Variants in SLC2A1 observed in about 807,000 individuals in gnomAD.
SLC2A1 encodes solute carrier family 2 member 1.
SLC2A1 carries 4 observed loss-of-function variants against 46.6 expected under a neutral mutation model. The observed-to-expected ratio is 0.09, with a 90% CI of 0.04 to 0.20. The LOEUF is 0.20. SLC2A1 is among the 10% of genes least tolerant of loss of function. The pLI is 1.00. For synonymous variants in SLC2A1, 253 were observed against 270.0 expected (o/e 0.94, Z 0.62); for missense variants, 352 against 667.0 (o/e 0.53, Z 5.20).
Position 42,927,265 on chromosome 1 carries a change from G to T in SLC2A1, c.1279-24C>A, listed in dbSNP as rs774926585. 57 of 1,610,148 alleles carry T rather than the reference G, an allele frequency of 3.5e-5. No individual in the cohort carries two copies. Among genetic ancestry groups the T allele is most frequent in the Non-Finnish European group, 3.7e-5 (43 of 1,176,848 alleles). On this transcript the variant is annotated intron_variant, in intron 9 of 9. Transcript: ENST00000426263. This position sits in a 1 kb window ranked among gnomAD's most constrained non-coding sequence, Gnocchi z 5.3. ...TGCTGAAAGACACACAGACACACTT[G>T]GTTGGAGTCATGACCCTACATCCTG...
intron 1 of SLC2A1, among the ~76,000 whole-genome samples, chr1:42,957,552 TA>T: frequency 6.6e-6 from 1 of 151,902 alleles, no homozygotes; most frequent in African/African-American, 2.4e-5. Flanking sequence ...GTATAATAGA[TA>T]AAGAGGGACC....
At chr1:42,956,272 G>GC (rs983096111) in intron 1 of SLC2A1, among the ~76,000 whole-genome samples, 1 of 152,070 alleles carries the variant, frequency 6.6e-6, no homozygotes, top group Admixed American at 6.6e-5. Context: ...ATACAGCCGG[G>GC]CGTGGTGGCT....
intron 1 of SLC2A1, among the ~76,000 whole-genome samples, chr1:42,953,245 AG>A (rs958002274): frequency 6.6e-6 from 1 of 152,236 alleles, no homozygotes; most frequent in African/African-American, 2.4e-5. Flanking sequence ...GTGGTCACAA[AG>A]AGAGGAGATG....
In SLC2A1 at chr1:42,929,492, G is replaced by A; in HGVS notation, c.867+101C>T. 1 of 1,275,790 alleles carries A rather than the reference G, an allele frequency of 7.8e-7. No individual in the cohort carries two copies. The highest frequency in any genetic ancestry group is 1.1e-6 in the Non-Finnish European group (1 of 879,096). 79.0% of individuals were successfully genotyped at this position (1,275,790 alleles called of 1,614,324 possible). A position where few individuals can be genotyped will look rare whatever the true frequency, so the allele number is the denominator to read the frequency against. ...TGGGGTCTAAAGGGAAACTTCTTCG[G>A]CAGAGGCGTATCTGTTGTTTCAAGT... is the stretch of plus-strand genomic sequence containing the variant. On this transcript the variant is annotated intron_variant, in intron 6 of 9. Transcript: ENST00000426263. This position sits in a 1 kb window ranked among gnomAD's most constrained non-coding sequence, Gnocchi z 6.0.
intron 1 of SLC2A1, among the ~76,000 whole-genome samples, chr1:42,958,137 G>T (rs1407396368): frequency 6.6e-6 from 1 of 152,126 alleles, no homozygotes; most frequent in Non-Finnish European, 1.5e-5. Context: ...GGGCGTCCGG[G>T]CTAGGGGAGC....
At chr1:42,934,724 G>T (rs770881709) in intron 2 of SLC2A1, among the ~76,000 whole-genome samples, 1 of 152,136 alleles carries the variant, frequency 6.6e-6, no homozygotes, top group African/African-American at 2.4e-5. Context: ...CATGTGTGAG[G>T]TGAGACCTGG....
chr1:42,927,305 G>C lies in SLC2A1; in HGVS notation c.1279-64C>G. The C allele has an allele frequency of 6.7e-7, 1 of 1,488,730 alleles. No individual in the cohort carries two copies. Among genetic ancestry groups the C allele is most frequent in the Non-Finnish European group, 9.3e-7 (1 of 1,069,758 alleles). 92.2% of individuals were successfully genotyped at this position (1,488,730 alleles called of 1,614,324 possible). A position where few individuals can be genotyped will look rare whatever the true frequency, so the allele number is the denominator to read the frequency against. ...CCTACATCCTGGCTGTAGGACTTTG[G>C]ATAAGTCACTTTACCTTTGGGCCTT... On this transcript the variant is annotated intron_variant, in intron 9 of 9. Transcript: ENST00000426263. The surrounding 1 kb of genome is among the most constrained non-coding windows in gnomAD (Gnocchi z 5.3).
Position 42,927,011 on chromosome 1 carries a change from G to A in SLC2A1, c.*30C>T. The stretch of plus-strand genomic sequence containing the variant: ...CCTGAGAGATCCTTAGGGCTGCTGG[G>A]AGCAGGCCGGGCTGGTGATCTGGGG... On this transcript the variant is annotated 3_prime_UTR_variant, in exon 10 of 10. Transcript: ENST00000426263. The surrounding 1 kb of genome is among the most constrained non-coding windows in gnomAD (Gnocchi z 5.3). 1 of 1,610,154 alleles carries A rather than the reference G, an allele frequency of 6.2e-7. No individual in the cohort carries two copies. Among genetic ancestry groups the A allele is most frequent in the South Asian group, 1.1e-5 (1 of 90,972 alleles).
Position 42,927,974 on chromosome 1 carries a change from C to T in SLC2A1, c.1075-166G>A, listed in dbSNP as rs952211641. 2.6e-5 allele frequency among the ~76,000 whole-genome samples: 4 copies of T among 152,172 alleles called. No individual in the cohort carries two copies. The highest frequency in any genetic ancestry group is 9.7e-5 in the African/African-American group (4 of 41,446). ...AGCATTGGGCCTAAGTTTCCTCATC[C>T]GAACAAAATGATTTAAGTCCTGCAG... On this transcript the variant is annotated intron_variant, in intron 8 of 9. Transcript: ENST00000426263. The surrounding 1 kb of genome is among the most constrained non-coding windows in gnomAD (Gnocchi z 5.3).
At position 42,927,030 on chromosome 1, in the gene SLC2A1, T is replaced by A. The variant is rs377124350; in HGVS notation, c.*11A>T. ...TGCTGGGAGCAGGCCGGGCTGGTGA[T>A]CTGGGGCGACTCACACTTGGGAATC... is the stretch of plus-strand genomic sequence containing the variant. On this transcript the variant is annotated 3_prime_UTR_variant, in exon 10 of 10. Coordinates refer to ENST00000426263, the MANE Select transcript of SLC2A1 (RefSeq NM_006516.4). The surrounding 1 kb of genome is among the most constrained non-coding windows in gnomAD (Gnocchi z 5.3). The A allele has an allele frequency of 6.2e-7, 1 of 1,612,976 alleles. No homozygotes were observed. The highest frequency in any genetic ancestry group is 8.5e-7 in the Non-Finnish European group (1 of 1,179,054).
At chr1:42,943,558 T>TTC (rs1488136032) in intron 1 of SLC2A1, among the ~76,000 whole-genome samples, 1 of 152,046 alleles carries the variant, frequency 6.6e-6, no homozygotes, top group South Asian at 2.1e-4. Context: ...AAGTATGATC[T>TTC]TCTCTCTCTG....
intron 1 of SLC2A1, among the ~76,000 whole-genome samples, chr1:42,957,969 G>A (rs1331994263): frequency 1.3e-5 from 2 of 152,168 alleles, no homozygotes; most frequent in African/African-American, 4.8e-5. Context: ...TCGCAAAGGA[G>A]AGCCTCCGAG....
Position 42,930,282 on chromosome 1 carries a change from A to G in SLC2A1, c.517-247T>C. On this transcript the variant is annotated intron_variant, in intron 4 of 9. Coordinates refer to ENST00000426263, the MANE Select transcript of SLC2A1 (RefSeq NM_006516.4). This position sits in a 1 kb window ranked among gnomAD's most constrained non-coding sequence, Gnocchi z 6.2. ...GCCACAGATGTGTCCAGCACAGAGA[A>G]TGGGGGCTGCTACTCTGCCACAAGA... is the stretch of plus-strand genomic sequence containing the variant. 3.2e-6 allele frequency: 2 copies of G among 623,136 alleles called. No homozygotes were observed. Among genetic ancestry groups the G allele is most frequent in the East Asian group, 5.6e-5 (2 of 35,946 alleles). 38.6% of individuals were successfully genotyped at this position (623,136 alleles called of 1,614,324 possible).
intron 1 of SLC2A1, chr1:42,952,317 G>C: frequency 8.7e-6 from 4 of 461,680 alleles, no homozygotes; most frequent in South Asian, 6.2e-5. Flanking sequence ...GTCCCCCACA[G>C]TGCTGATGAC....
chr1:42,945,360 A>G (rs891776111), intron 1 of SLC2A1, among the ~76,000 whole-genome samples: 1 of 150,402 alleles, frequency 6.6e-6, no homozygotes, highest in Non-Finnish European at 1.5e-5. Context: ...ACAGAGTGAG[A>G]CTCTGTCCCA....
chr1:42,934,282 C>T lies in SLC2A1; in HGVS notation c.115-3076G>A, dbSNP rs542327156. Among the ~76,000 whole-genome samples the T allele has an allele frequency of 5.6e-4, 85 of 152,288 alleles. 3 individuals carry two copies. In the South Asian group the frequency reaches 0.017, roughly 31 times the overall value. On this transcript the variant is annotated intron_variant, in intron 2 of 9. Coordinates refer to ENST00000426263, the MANE Select transcript of SLC2A1 (RefSeq NM_006516.4). ...CTGCCTAGCTGCTCTGTTACTCAGA[C>T]CACTTTATGGGGTGGAGGAAGGGTG...
At chr1:42,957,951 T>C (rs3754224) in intron 1 of SLC2A1, among the ~76,000 whole-genome samples, 35,196 of 152,092 alleles carry the variant, frequency 0.23, 4,576 homozygotes, top group South Asian at 0.32. Flanking sequence ...CTTTGGGGCC[T>C]GCACTCCTCG....
At chr1:42,948,529 G>A (rs710221) in intron 1 of SLC2A1, among the ~76,000 whole-genome samples, 78,794 of 152,022 alleles carry the variant, frequency 0.52, 22,121 homozygotes, top group African/African-American at 0.75. Flanking sequence ...CTTAGTCCAC[G>A]GCTCAAAGGA....
chr1:42,941,577 A>G (rs1248653048), intron 2 of SLC2A1, among the ~76,000 whole-genome samples: 2 of 152,204 alleles, frequency 1.3e-5, no homozygotes, highest in Non-Finnish European at 2.9e-5. Flanking sequence ...ACATCATTAA[A>G]TCCAGTAGCT....
Sources: allele counts gnomAD v4.1 joint callset (sites outside exome capture counted in the v4.1 genomes callset), GRCh38; gene constraint gnomAD v4.1.1; non-coding constraint Gnocchi (gnomAD v3.1); transcripts MANE v1.5; gene names NCBI Gene and HGNC (gene_info 2026-07-23, HGNC 2026-07-21).